The following UBAP2 variants were observed in gnomAD, a reference collection of about 807,000 sequenced individuals.
UBAP2 encodes ubiquitin-associated protein 2.
A neutral mutation model predicts 139.6 loss-of-function variants in UBAP2; 75 were observed. The ratio of observed to expected loss-of-function variants is 0.54; its 90% CI spans 0.45 to 0.65. The LOEUF is 0.65. UBAP2 is among the 30% of genes least tolerant of loss of function. The probability of loss-of-function intolerance (pLI) is 0.00; values close to 1 mark genes in which losing one functional copy is unlikely to be tolerated. For missense variants in UBAP2, 1,368 were observed against 1,369.6 expected (o/e 1.00, Z 0.02); for synonymous variants, 526 against 526.2 (o/e 1.00, Z 0.01).
At chr9:33,962,427 C>G (rs1036253556) in intron 9 of UBAP2, among the ~76,000 whole-genome samples, 5 of 151,900 alleles carry the variant, frequency 3.3e-5, no homozygotes, top group Admixed American at 1.3e-4. Context: ...GTGGGTGGAT[C>G]ACGAGGTCAG....
At chr9:34,037,569 C>T (rs1826544870) in intron 1 of UBAP2, among the ~76,000 whole-genome samples, 1 of 152,154 alleles carries the variant, frequency 6.6e-6, no homozygotes, top group Non-Finnish European at 1.5e-5. Context: ...TTTCCAAAAG[C>T]CCCAAAAAGT....
At chr9:33,939,169 CATT>C (rs1292057778) in intron 16 of UBAP2, among the ~76,000 whole-genome samples, 1 of 139,202 alleles carries the variant, frequency 7.2e-6, no homozygotes, top group Non-Finnish European at 1.6e-5. Flanking sequence ...AGCTTAATAA[CATT>C]ATTTGATTTC....
intron 1 of UBAP2, among the ~76,000 whole-genome samples, chr9:34,039,168 G>C (rs1418170602): frequency 6.6e-6 from 1 of 150,722 alleles, no homozygotes; most frequent in Admixed American, 6.6e-5. Context: ...CGCCCAGCCA[G>C]CCGCCCCTTC....
rs138125624 is a variant in UBAP2 at position 33,936,660 on chromosome 9, C to G, written c.1930-782G>C. Among the ~76,000 whole-genome samples, 10 of 151,900 alleles carry G rather than the reference C, an allele frequency of 6.6e-5. No homozygotes were observed. In the East Asian group the frequency reaches 1.9e-3, roughly 29 times the overall value. ...CTCCATCTCAAAAAACAAAACAAAACAAAACAAATAAATAAATAAAGGAGA... is the reference window on the plus strand; with the variant it reads ...CTCCATCTCAAAAAACAAAACAAAAGAAAACAAATAAATAAATAAAGGAGA... On this transcript the variant is annotated intron_variant, in intron 16 of 28. Coordinates refer to ENST00000379238, the MANE Select transcript of UBAP2 (RefSeq NM_001370062.2).
chr9:34,045,190 C>G (rs1046677839), intron 1 of UBAP2, among the ~76,000 whole-genome samples: 5 of 150,940 alleles, frequency 3.3e-5, no homozygotes, highest in African/African-American at 1.2e-4. Flanking sequence ...AATAAAAATA[C>G]AAAAAATTAG....
intron 19 of UBAP2, among the ~76,000 whole-genome samples, chr9:33,929,739 C>T (rs758579536): frequency 1.6e-4 from 24 of 152,202 alleles, no homozygotes; most frequent in Non-Finnish European, 3.5e-4. Flanking sequence ...CGGTGGCTCA[C>T]GCCTGTAATC....
intron 14 of UBAP2, 51 bp from the exon 15 acceptor site, chr9:33,943,640 C>T: frequency 6.3e-7 from 1 of 1,595,054 alleles, no homozygotes; most frequent in Non-Finnish European, 8.6e-7. Context: ...GATTCCAGGT[C>T]ACAAAGGCCT....
intron 6 of UBAP2, among the ~76,000 whole-genome samples, chr9:33,985,613 G>A (rs1346376793): frequency 2.0e-5 from 3 of 152,280 alleles, no homozygotes; most frequent in East Asian, 1.9e-4. Context: ...AGCTAAAAAG[G>A]TTATCTCATG....
chr9:33,933,759 C>G, intron 17 of UBAP2, 131 bp from the exon 18 acceptor site: 1 of 1,293,540 alleles, frequency 7.7e-7, no homozygotes, highest in Non-Finnish European at 1.1e-6. Flanking sequence ...TTACATTCCC[C>G]AGGAAAATGC....
chr9:33,999,974 G>A (rs1193495716), intron 2 of UBAP2, among the ~76,000 whole-genome samples: 1 of 151,832 alleles, frequency 6.6e-6, no homozygotes, highest in Non-Finnish European at 1.5e-5. Context: ...TTGAGATGGA[G>A]TCTCACTCTG....
chr9:34,013,359 GACCA>G, intron 2 of UBAP2, among the ~76,000 whole-genome samples: 1 of 152,058 alleles, frequency 6.6e-6, no homozygotes, highest in Middle Eastern at 3.4e-3. Context: ...AGACCAGCCT[GACCA>G]ACATGGTGAA....
intron 2 of UBAP2, among the ~76,000 whole-genome samples, chr9:34,003,057 T>C (rs921460546): frequency 4.3e-5 from 4 of 93,126 alleles, no homozygotes; most frequent in Non-Finnish European, 9.5e-5. Context: ...TTTTCTTTCG[T>C]TGTTTTTTTT....
At chr9:34,031,071 G>A (rs1336619383) in intron 1 of UBAP2, among the ~76,000 whole-genome samples, 1 of 152,062 alleles carries the variant, frequency 6.6e-6, no homozygotes, top group Non-Finnish European at 1.5e-5. Flanking sequence ...TGGGAGTCAG[G>A]AGTTTGAGAC....
chr9:33,980,606 G>T (rs1006716000), intron 6 of UBAP2, among the ~76,000 whole-genome samples: 44 of 151,990 alleles, frequency 2.9e-4, no homozygotes, highest in Non-Finnish European at 5.7e-4. Context: ...TCTATGTCAA[G>T]TACATTAAGT....
intron 4 of UBAP2, among the ~76,000 whole-genome samples, chr9:33,990,041 C>A (rs1315218462): frequency 4.8e-5 from 6 of 124,882 alleles, no homozygotes; most frequent in African/African-American, 1.8e-4. Flanking sequence ...AATGGTGATA[C>A]CAAATCTAAT....
At chr9:34,031,651 G>A (rs893849944) in intron 1 of UBAP2, among the ~76,000 whole-genome samples, 1 of 151,878 alleles carries the variant, frequency 6.6e-6, no homozygotes, top group Admixed American at 6.6e-5. Context: ...TCCTGCCTGA[G>A]CCTCCCAGTA....
intron 8 of UBAP2, among the ~76,000 whole-genome samples, chr9:33,966,369 G>C (rs1827456050): frequency 6.6e-6 from 1 of 151,746 alleles, no homozygotes; most frequent in Non-Finnish European, 1.5e-5. Context: ...TGAGGTAAGA[G>C]ATCACTCACC....
intron 1 of UBAP2, among the ~76,000 whole-genome samples, chr9:34,030,970 C>A (rs896950593): frequency 1.3e-5 from 2 of 151,960 alleles, no homozygotes; most frequent in East Asian, 3.9e-4. Flanking sequence ...AAGGGCTAGG[C>A]ACTGTAGCTC....
intron 11 of UBAP2, among the ~76,000 whole-genome samples, chr9:33,955,638 G>T (rs1826494607): frequency 6.6e-6 from 1 of 151,806 alleles, no homozygotes; most frequent in Non-Finnish European, 1.5e-5. Flanking sequence ...AGACCAGCCT[G>T]ACCAACATGG....
Sources: allele counts gnomAD v4.1 joint callset (sites outside exome capture counted in the v4.1 genomes callset), GRCh38; gene constraint gnomAD v4.1.1; transcripts MANE v1.5; gene names NCBI Gene and HGNC (gene_info 2026-07-23, HGNC 2026-07-21).